PDCD1LG2: variants seen among roughly 807,000 people sequenced by gnomAD.
PDCD1LG2 encodes programmed cell death 1 ligand 2, also known as B7 dendritic cell molecule.
A neutral mutation model predicts 28.2 loss-of-function variants in PDCD1LG2; 32 were observed. The observed-to-expected ratio is 1.13, with a 90% CI of 0.86 to 1.52. The LOEUF is 1.52. Ranked by LOEUF, PDCD1LG2 falls within the 40% of genes most tolerant of loss-of-function variation. The pLI is 0.00. For synonymous variants in PDCD1LG2, 116 were observed against 120.2 expected, an observed-to-expected ratio of 0.97 and a Z score of 0.23; for missense variants, 385 against 323.8, an observed-to-expected ratio of 1.19 and a Z score of -1.45.
intron 6 of PDCD1LG2, among the ~76,000 whole-genome samples, chr9:5,564,980 G>A (rs1334688629): frequency 1.3e-5 from 2 of 152,156 alleles, no homozygotes; most frequent in Non-Finnish European, 2.9e-5. Context: ...GTTTAGACTA[G>A]CTCATTTAAT....
chr9:5,526,616 T>C (rs767778486), intron 2 of PDCD1LG2, among the ~76,000 whole-genome samples: 5 of 152,136 alleles, frequency 3.3e-5, no homozygotes, highest in African/African-American at 7.2e-5. Flanking sequence ...TTTTTAAACA[T>C]TTTTAGTGAT....
chr9:5,549,191 G>T, intron 3 of PDCD1LG2, 144 bp from the exon 4 acceptor site: 1 of 756,620 alleles, frequency 1.3e-6, no homozygotes, highest in South Asian at 1.8e-5. Flanking sequence ...ATGATATCAG[G>T]GATATACAAT....
chr9:5,548,978 G>T (rs1487980645), intron 3 of PDCD1LG2, among the ~76,000 whole-genome samples: 1 of 152,182 alleles, frequency 6.6e-6, no homozygotes, highest in African/African-American at 2.4e-5. Flanking sequence ...GCCACAAATT[G>T]TGGTAGCTTG....
rs768412813 is a variant in PDCD1LG2, at chr9:5,522,500, C to T, written c.-14-33C>T. The stretch of plus-strand genomic sequence containing the variant: ...GAACCAAAGACCCAGCAAAGTTTCA[C>T]AAGGCCCTGAGACTTTCAATTGTCT... On this transcript the variant is annotated intron_variant, in intron 1 of 6. Transcript: ENST00000397747. 3 of 1,545,696 alleles carry T rather than the reference C, an allele frequency of 1.9e-6. No individual in the cohort carries two copies. In the African/African-American group the frequency reaches 4.1e-5, roughly 21 times the overall value.
intron 5 of PDCD1LG2, among the ~76,000 whole-genome samples, chr9:5,558,196 C>A (rs1285955170): frequency 3.9e-5 from 6 of 152,166 alleles, no homozygotes; most frequent in African/African-American, 1.4e-4. Flanking sequence ...GGAATCTCAA[C>A]CTCACGGTTG....
rs191279108 is a variant in PDCD1LG2 at position 5,561,616 on chromosome 9, G to C, written c.767-1546G>C. 1.4e-4 allele frequency among the ~76,000 whole-genome samples: 22 copies of C among 152,306 alleles called. No individual in the cohort carries two copies. In the East Asian group the frequency reaches 4.2e-3, roughly 29 times the overall value. On this transcript the variant is annotated intron_variant, in intron 5 of 6. Coordinates refer to ENST00000397747, the MANE Select transcript of PDCD1LG2 (RefSeq NM_025239.4). ...TTATACATTGACTTGCTGAGCCAAT[G>C]GCAAAGTCAAGTTAGAATCCAGCAG...
chr9:5,515,851 A>G (rs1820147647), intron 1 of PDCD1LG2, among the ~76,000 whole-genome samples: 2 of 124,682 alleles, frequency 1.6e-5, no homozygotes, highest in South Asian at 5.8e-4. Context: ...TGAACCCGGG[A>G]GGCGGAGGAT....
intron 4 of PDCD1LG2, among the ~76,000 whole-genome samples, chr9:5,555,580 T>TA (rs1816422347): frequency 6.6e-6 from 1 of 152,246 alleles, no homozygotes; most frequent in Non-Finnish European, 1.5e-5. Context: ...TCGTTCCATG[T>TA]AACACTCAGG....
chr9:5,513,209 G>A (rs185690391), intron 1 of PDCD1LG2, among the ~76,000 whole-genome samples: 2 of 152,330 alleles, frequency 1.3e-5, no homozygotes, highest in Admixed American at 1.3e-4. Flanking sequence ...TAAGTGTCCA[G>A]CCAAGTTACT....
chr9:5,524,629 C>T (rs1439523918), intron 2 of PDCD1LG2, among the ~76,000 whole-genome samples: 7 of 151,668 alleles, frequency 4.6e-5, no homozygotes, highest in Non-Finnish European at 1.0e-4. Context: ...GAGGAGGGTA[C>T]CTGCAAAAGA....
intron 3 of PDCD1LG2, among the ~76,000 whole-genome samples, 157 bp from the exon 4 acceptor site, chr9:5,549,178 A>G (rs1816272786): frequency 6.6e-6 from 1 of 152,236 alleles, no homozygotes; most frequent in African/African-American, 2.4e-5. Context: ...TGTGGAAAAT[A>G]GCATGATATC....
Position 5,524,688 on chromosome 9 carries a change from T to C in PDCD1LG2, c.55+2087T>C, listed in dbSNP as rs547070291. Among the ~76,000 whole-genome samples the C allele has an allele frequency of 6.6e-5, 10 of 152,262 alleles. No homozygotes were observed. The South Asian group carries it at 2.1e-3, about 32-fold the overall frequency. ...CTGAGAAATAATTAGTGTTTACTTC[T>C]GGGGAGGGGAGGAGGTCTGGGATGG... On this transcript the variant is annotated intron_variant, in intron 2 of 6. Coordinates refer to ENST00000397747, the MANE Select transcript of PDCD1LG2 (RefSeq NM_025239.4).
At chr9:5,556,109 C>A (rs531561479) in intron 4 of PDCD1LG2, among the ~76,000 whole-genome samples, 2 of 152,298 alleles carry the variant, frequency 1.3e-5, no homozygotes, top group South Asian at 4.1e-4. Context: ...CAAATACAGT[C>A]TAAGCAGACT....
chr9:5,557,576 A>C, intron 4 of PDCD1LG2, 42 bp from the exon 5 acceptor site: 1 of 1,611,064 alleles, frequency 6.2e-7, no homozygotes, highest in South Asian at 1.1e-5. Context: ...TCTACCTCTT[A>C]GTTGCCATGT....
At chr9:5,567,965 G>C (rs1182079225) in intron 6 of PDCD1LG2, among the ~76,000 whole-genome samples, 1 of 152,050 alleles carries the variant, frequency 6.6e-6, no homozygotes, top group Non-Finnish European at 1.5e-5. Flanking sequence ...TGAGTATCCC[G>C]ACTTCCTTCT....
chr9:5,527,757 T>G (rs1284647790), intron 2 of PDCD1LG2, among the ~76,000 whole-genome samples: 2 of 152,196 alleles, frequency 1.3e-5, no homozygotes, highest in Non-Finnish European at 2.9e-5. Flanking sequence ...CTGTACCATT[T>G]TTTCATTCCC....
chr9:5,513,485 G>C (rs1038809912), intron 1 of PDCD1LG2, among the ~76,000 whole-genome samples: 1 of 152,196 alleles, frequency 6.6e-6, no homozygotes, highest in Non-Finnish European at 1.5e-5. Context: ...ATGTCTTTAA[G>C]GGCAAGGGCC....
chr9:5,532,545 T>C (rs1820502821), intron 2 of PDCD1LG2, among the ~76,000 whole-genome samples: 1 of 152,204 alleles, frequency 6.6e-6, no homozygotes, highest in South Asian at 2.1e-4. Context: ...TAGAACTTGC[T>C]ATGTGCTAGG....
At chr9:5,512,506 C>T (rs868231382) in intron 1 of PDCD1LG2, among the ~76,000 whole-genome samples, 11 of 152,114 alleles carry the variant, frequency 7.2e-5, no homozygotes, top group Admixed American at 3.9e-4. Context: ...CTCTTCTGAC[C>T]ACCTTGTCTC....
Sources: allele counts gnomAD v4.1 joint callset (sites outside exome capture counted in the v4.1 genomes callset), GRCh38; gene constraint gnomAD v4.1.1; transcripts MANE v1.5; gene names NCBI Gene and HGNC (gene_info 2026-07-23, HGNC 2026-07-21).